FHOD3: variants seen among roughly 807,000 people sequenced by gnomAD.
FHOD3 encodes FH1/FH2 domain-containing protein 3.
A neutral mutation model predicts 173.0 loss-of-function variants in FHOD3; 90 were observed. That is an observed-to-expected ratio of 0.52 (90% CI 0.44 to 0.62). The LOEUF is 0.62. Ranked by LOEUF, FHOD3 falls within the 20% of genes least tolerant of loss-of-function variation. The pLI, the probability that FHOD3 is intolerant of heterozygous loss-of-function variation, is 0.00. For synonymous variants in FHOD3, 828 were observed against 823.0 expected (o/e 1.01, Z -0.10); for missense variants, 1,945 against 2,034.7 (o/e 0.96, Z 0.85).
intron 24 of FHOD3, among the ~76,000 whole-genome samples, chr18:36,749,636 C>T (rs1429518389): frequency 2.6e-5 from 4 of 152,282 alleles, no homozygotes; most frequent in Admixed American, 2.6e-4. Context: ...CTACAATGAA[C>T]ATTCGTGTGC....
intron 7 of FHOD3, among the ~76,000 whole-genome samples, chr18:36,600,613 G>GT (rs1555778157): frequency 6.6e-6 from 1 of 152,084 alleles, no homozygotes; most frequent in Non-Finnish European, 1.5e-5. Context: ...CTAAAAACAC[G>GT]TTTTTCAGTT....
chr18:36,341,709 T>C (rs1247057716), intron 1 of FHOD3, among the ~76,000 whole-genome samples: 1 of 152,208 alleles, frequency 6.6e-6, no homozygotes, highest in African/African-American at 2.4e-5. Context: ...TAATAGGCCA[T>C]ACAAACACTG....
At position 36,653,362 on chromosome 18, in the gene FHOD3, T is replaced by C. The variant is rs1414371513; in HGVS notation, c.1667T>C (p.Leu556Ser). Residue 556 changes from leucine (L) to serine (S), a missense_variant, in exon 13 of 29, where the codon TTG becomes TCG. Transcript: ENST00000590592. ...GACAGTTCCTCTGATTCTTTCTCTT[T>C]GAGCACATATTCTGCCTCTGAGCCT... ...KENSSSDSFSLSTYSASEPYH... is the reference protein window; with the variant it reads ...KENSSSDSFSSSTYSASEPYH... 9.8e-6 allele frequency: 15 copies of C among 1,535,052 alleles called. No individual in the cohort carries two copies. Among genetic ancestry groups the C allele is most frequent in the South Asian group, 7.1e-5 (6 of 84,002 alleles).
At chr18:36,407,823 C>G (rs114545381) in intron 3 of FHOD3, among the ~76,000 whole-genome samples, 7 of 152,200 alleles carry the variant, frequency 4.6e-5, no homozygotes, top group African/African-American at 7.2e-5. Context: ...ACTTCTGTGC[C>G]TCAGTGTCCT....
intron 1 of FHOD3, among the ~76,000 whole-genome samples, chr18:36,330,081 C>T (rs1050603279): frequency 2.0e-5 from 3 of 152,142 alleles, no homozygotes; most frequent in Non-Finnish European, 4.4e-5. Context: ...AGCATACCCC[C>T]TGTACACCCA....
At chr18:36,678,944 TG>T (rs61464321) in intron 14 of FHOD3, among the ~76,000 whole-genome samples, 152,218 of 152,218 alleles carry the variant, frequency 1, 76,109 homozygotes, top group Non-Finnish European at 1. Flanking sequence ...AAATGGGTTG[TG>T]GGAGATTTTT....
At chr18:36,720,706 CT>C (rs2040720343) in intron 19 of FHOD3, among the ~76,000 whole-genome samples, 1 of 150,748 alleles carries the variant, frequency 6.6e-6, no homozygotes, top group Non-Finnish European at 1.5e-5. Context: ...CCTTCTCCTC[CT>C]CCTCCTCCTT....
chr18:36,696,422 T>C (rs1439322716), intron 17 of FHOD3, among the ~76,000 whole-genome samples: 1 of 151,746 alleles, frequency 6.6e-6, no homozygotes, highest in Non-Finnish European at 1.5e-5. Context: ...TTATGGGTTC[T>C]TTCTTTTATA....
intron 2 of FHOD3, among the ~76,000 whole-genome samples, chr18:36,372,238 A>G (rs1259766898): frequency 6.6e-6 from 1 of 152,204 alleles, no homozygotes; most frequent in African/African-American, 2.4e-5. Flanking sequence ...ATACACAGTA[A>G]AGCAGTTCTG....
intron 1 of FHOD3, among the ~76,000 whole-genome samples, chr18:36,310,037 T>C (rs2092214718): frequency 6.6e-6 from 1 of 152,190 alleles, no homozygotes; most frequent in African/African-American, 2.4e-5. Flanking sequence ...ATGGCTTCTG[T>C]TGTTCCGCCT....
At chr18:36,340,479 A>G (rs2045554154) in intron 1 of FHOD3, among the ~76,000 whole-genome samples, 1 of 151,958 alleles carries the variant, frequency 6.6e-6, no homozygotes, top group Non-Finnish European at 1.5e-5. Context: ...TAATTATTCC[A>G]GATGTTATAG....
At chr18:36,433,159 T>C (rs1383778097) in intron 3 of FHOD3, among the ~76,000 whole-genome samples, 2 of 152,176 alleles carry the variant, frequency 1.3e-5, no homozygotes, top group African/African-American at 4.8e-5. Context: ...TCTGCAAAAT[T>C]CCCTCATTGT....
chr18:36,647,682 T>C (rs1341042430), intron 10 of FHOD3, among the ~76,000 whole-genome samples: 1 of 152,100 alleles, frequency 6.6e-6, no homozygotes, highest in Non-Finnish European at 1.5e-5. Context: ...TAGCCCCAAA[T>C]TGAAGGGTAC....
chr18:36,364,553 A>G (rs1052850317), intron 2 of FHOD3, among the ~76,000 whole-genome samples: 1 of 152,160 alleles, frequency 6.6e-6, no homozygotes, highest in African/African-American at 2.4e-5. Flanking sequence ...AGTTGAGGAG[A>G]GTGAAGAGCA....
intron 3 of FHOD3, among the ~76,000 whole-genome samples, chr18:36,396,073 T>C (rs554220618): frequency 1.3e-5 from 2 of 152,346 alleles, no homozygotes; most frequent in East Asian, 3.9e-4. Context: ...CAACATTTTA[T>C]GTCCTTGTTA....
intron 8 of FHOD3, among the ~76,000 whole-genome samples, chr18:36,607,909 T>A (rs1424402468): frequency 6.6e-6 from 1 of 152,230 alleles, no homozygotes; most frequent in Non-Finnish European, 1.5e-5. Context: ...CTCTTCAGAA[T>A]TGGCTTTACC....
chr18:36,586,286 C>T (rs774051333), intron 6 of FHOD3, among the ~76,000 whole-genome samples: 6 of 152,106 alleles, frequency 3.9e-5, no homozygotes, highest in Admixed American at 2.0e-4. Context: ...ATGGGCTATG[C>T]GACAAGTTAC....
intron 5 of FHOD3, among the ~76,000 whole-genome samples, chr18:36,542,797 G>T (rs532737065): frequency 1.3e-5 from 2 of 152,190 alleles, no homozygotes; most frequent in South Asian, 2.1e-4. Context: ...TTTGCTAAGA[G>T]AAATGTTATT....
chr18:36,499,818 T>C (rs2054935021), intron 3 of FHOD3, among the ~76,000 whole-genome samples: 1 of 152,222 alleles, frequency 6.6e-6, no homozygotes, highest in Non-Finnish European at 1.5e-5. Context: ...TCTAGGCTCC[T>C]ACTTTTTAGA....
Sources: gnomAD v4.1 joint callset for allele counts (sites outside exome capture counted in the v4.1 genomes callset) on GRCh38, gnomAD v4.1.1 for gene constraint, MANE v1.5 for transcripts, NCBI Gene and HGNC (gene_info 2026-07-23, HGNC 2026-07-21) for gene names.